The following BLTP1 variants were observed in gnomAD, a reference collection of about 807,000 sequenced individuals.
BLTP1 encodes fragile site-associated protein.
the BLTP1 span, chr4:122,224,506 C>A: frequency 6.2e-7 from 1 of 1,610,814 alleles, no homozygotes. Context: ...AGCAGCGACC[C>A]CCTGTGGATG....
the BLTP1 span, chr4:122,267,691 G>C: frequency 5.0e-6 from 4 of 792,814 alleles, no homozygotes; most frequent in Non-Finnish European, 6.1e-6. Context: ...CATGGTAAAA[G>C]TTAAGAACCA....
the BLTP1 span, among the ~76,000 whole-genome samples, chr4:122,293,624 ACAG>A: frequency 6.6e-6 from 1 of 152,064 alleles, no homozygotes; most frequent in Non-Finnish European, 1.5e-5. Flanking sequence ...GCACAGAGAC[ACAG>A]GAGTTTTGCA....
the BLTP1 span, chr4:122,247,368 A>G: frequency 1.6e-4 from 254 of 1,612,276 alleles, 1 homozygote; most frequent in East Asian, 5.0e-3. Context: ...GTAGGATTCT[A>G]CAACAAATAT....
At chr4:122,310,465 GTTAAACCTGAGT>G in the BLTP1 span, among the ~76,000 whole-genome samples, 3 of 152,048 alleles carry the variant, frequency 2.0e-5, no homozygotes, top group Non-Finnish European at 4.4e-5. Flanking sequence ...CAAAGAAATG[GTTAAACCTGAGT>G]ATTTTTATGC....
At chr4:122,177,777 CT>C in the BLTP1 span, 1 of 152,130 alleles carries the variant, frequency 6.6e-6, no homozygotes, top group African/African-American at 2.4e-5. Flanking sequence ...ATCAATGAAG[CT>C]TTTCCTGAAT....
the BLTP1 span, chr4:122,355,687 C>G: frequency 4.4e-6 from 5 of 1,136,706 alleles, no homozygotes; most frequent in African/African-American, 1.6e-5. Flanking sequence ...GTGATTCTTT[C>G]CAACTTTGGA....
At chr4:122,251,335 A>G in the BLTP1 span, 6 of 982,780 alleles carry the variant, frequency 6.1e-6, 2 homozygotes, top group African/African-American at 1.0e-4. Context: ...CCAATTGGAG[A>G]GGAAAAAGTT....
chr4:122,274,288 A>T, the BLTP1 span: 1 of 951,702 alleles, frequency 1.1e-6, no homozygotes, highest in Non-Finnish European at 1.6e-6. Context: ...TTTTAATATG[A>T]AATGCAAGTA....
At chr4:122,231,917 G>C in the BLTP1 span, 1 of 759,336 alleles carries the variant, frequency 1.3e-6, no homozygotes, top group Non-Finnish European at 1.6e-6. Flanking sequence ...AGGAAGATTT[G>C]ACATATATCC....
chr4:122,179,611 T>A, the BLTP1 span, among the ~76,000 whole-genome samples: 679 of 152,180 alleles, frequency 4.5e-3, 9 homozygotes, highest in African/African-American at 0.016. Flanking sequence ...ATTACACACT[T>A]AGATACAAAG....
At chr4:122,166,753 G>A in the BLTP1 span, among the ~76,000 whole-genome samples, 1 of 152,086 alleles carries the variant, frequency 6.6e-6, no homozygotes, top group Non-Finnish European at 1.5e-5. Flanking sequence ...ATTTCCTTGA[G>A]CAGTGGTTTG....
chr4:122,213,743 A>G, the BLTP1 span, among the ~76,000 whole-genome samples: 1 of 152,190 alleles, frequency 6.6e-6, no homozygotes, highest in Non-Finnish European at 1.5e-5. Context: ...GAGGACATGT[A>G]TGGAAATGGA....
At chr4:122,188,730 G>GT in the BLTP1 span, among the ~76,000 whole-genome samples, 11 of 151,696 alleles carry the variant, frequency 7.3e-5, no homozygotes, top group African/African-American at 1.2e-4. Context: ...TGATTTTTAT[G>GT]TTTTTTCTCA....
chr4:122,358,115 A>G, the BLTP1 span, among the ~76,000 whole-genome samples: 1 of 152,212 alleles, frequency 6.6e-6, no homozygotes, highest in Non-Finnish European at 1.5e-5. Context: ...CAGCCCCAAC[A>G]GATACCAGTC....
chr4:122,317,971 T>G, the BLTP1 span: 2 of 182,874 alleles, frequency 1.1e-5, no homozygotes, highest in Non-Finnish European at 2.1e-5. Flanking sequence ...TAGAGAGAGA[T>G]GTTTTTTGTT....
chr4:122,254,482 A>C, the BLTP1 span: 1 of 1,307,396 alleles, frequency 7.6e-7, no homozygotes, highest in Non-Finnish European at 1.0e-6. Context: ...CATCATTCTT[A>C]CTTCATATGT....
the BLTP1 span, among the ~76,000 whole-genome samples, chr4:122,217,635 T>C: frequency 6.6e-6 from 1 of 152,284 alleles, no homozygotes; most frequent in African/African-American, 2.4e-5. Flanking sequence ...TTGTTGAGGA[T>C]TTTTGCATCT....
the BLTP1 span, chr4:122,346,654 A>G: frequency 3.7e-6 from 6 of 1,613,266 alleles, no homozygotes; most frequent in African/African-American, 8.0e-5. Flanking sequence ...CCTCCTTTAA[A>G]TATGATATGC....
the BLTP1 span, chr4:122,275,963 C>T: frequency 8.4e-6 from 13 of 1,544,586 alleles, 1 homozygote; most frequent in Non-Finnish European, 1.0e-5. Context: ...CTTGACTCTT[C>T]ATCTGTAGAC....
Sources: gnomAD v4.1 joint callset for allele counts (sites outside exome capture counted in the v4.1 genomes callset) on GRCh38, gnomAD v4.1.1 for gene constraint, MANE v1.5 for transcripts, NCBI Gene and HGNC (gene_info 2026-07-23, HGNC 2026-07-21) for gene names.